Variants in DGKB observed in about 807,000 individuals in gnomAD.
DGKB encodes the protein diacylglycerol kinase beta, also known as 90 kDa diacylglycerol kinase.
A neutral mutation model predicts 114.3 loss-of-function variants in DGKB; 67 were observed. The observed-to-expected ratio is 0.59, with a 90% confidence interval of 0.48 to 0.72. The LOEUF is 0.72. DGKB is among the 30% of genes least tolerant of loss of function. DGKB has a pLI of 0.00. For missense variants in DGKB, 907 were observed against 975.2 expected (o/e 0.93, Z 0.93); for synonymous variants, 398 against 323.1 (o/e 1.23, Z -2.49).
At chr7:14,252,519 C>T (rs73069647) in intron 23 of DGKB, among the ~76,000 whole-genome samples, 6,629 of 152,222 alleles carry the variant, frequency 0.044, 208 homozygotes, top group East Asian at 0.13. Flanking sequence ...GGTTCAGGGG[C>T]AGGCTGGATG....
chr7:14,698,742 C>CAATTATCAA (rs1302480311), intron 7 of DGKB, among the ~76,000 whole-genome samples: 1 of 152,054 alleles, frequency 6.6e-6, no homozygotes, highest in Non-Finnish European at 1.5e-5. Flanking sequence ...TTATTCTGCT[C>CAATTATCAA]AATTATCAAC....
chr7:14,286,286 A>G (rs1800860815), intron 23 of DGKB, among the ~76,000 whole-genome samples: 1 of 152,174 alleles, frequency 6.6e-6, no homozygotes, highest in Non-Finnish European at 1.5e-5. Context: ...CTGAGAGGGC[A>G]TAATACTTTG....
chr7:14,607,913 CTA>C (rs1218311166), intron 16 of DGKB, among the ~76,000 whole-genome samples: 2 of 151,898 alleles, frequency 1.3e-5, no homozygotes, highest in African/African-American at 4.8e-5. Flanking sequence ...AATTTGTCCT[CTA>C]TAGATCTCTG....
At chr7:14,421,183 C>G (rs1352588685) in intron 21 of DGKB, among the ~76,000 whole-genome samples, 1 of 152,076 alleles carries the variant, frequency 6.6e-6, no homozygotes, top group Non-Finnish European at 1.5e-5. Flanking sequence ...GAGCTGCTTG[C>G]TTGAGCCCGC....
At chr7:14,453,467 A>G (rs1286604927) in intron 21 of DGKB, among the ~76,000 whole-genome samples, 1 of 152,172 alleles carries the variant, frequency 6.6e-6, no homozygotes, top group Non-Finnish European at 1.5e-5. Flanking sequence ...CACTTTGCAG[A>G]GAATCTCAGT....
At chr7:14,414,873 T>A (rs1444073659) in intron 21 of DGKB, among the ~76,000 whole-genome samples, 1 of 152,106 alleles carries the variant, frequency 6.6e-6, no homozygotes, top group Non-Finnish European at 1.5e-5. Context: ...CCTGTGTAAC[T>A]TATCCATTAA....
chr7:14,335,864 C>G (rs1456938171), intron 23 of DGKB, among the ~76,000 whole-genome samples: 2 of 151,912 alleles, frequency 1.3e-5, no homozygotes, highest in African/African-American at 2.4e-5. Context: ...AGGGATTGTC[C>G]CTCCTCAGCC....
chr7:14,522,292 G>A (rs1401307629), intron 20 of DGKB, among the ~76,000 whole-genome samples: 1 of 152,108 alleles, frequency 6.6e-6, no homozygotes, highest in African/African-American at 2.4e-5. Flanking sequence ...GGAGGTGTGG[G>A]TAGCTTGGGC....
At chr7:14,338,198 T>G (rs926644998) in intron 23 of DGKB, among the ~76,000 whole-genome samples, 1 of 152,108 alleles carries the variant, frequency 6.6e-6, no homozygotes, top group Non-Finnish European at 1.5e-5. Context: ...AAATGTCCTA[T>G]TTAAGACAAT....
At chr7:14,278,642 G>C (rs1181323709) in intron 23 of DGKB, among the ~76,000 whole-genome samples, 1 of 152,140 alleles carries the variant, frequency 6.6e-6, no homozygotes, top group Admixed American at 6.5e-5. Context: ...AAATGGGATT[G>C]CATCAAACTA....
intron 23 of DGKB, among the ~76,000 whole-genome samples, chr7:14,324,073 G>A (rs894627385): frequency 6.6e-6 from 1 of 152,120 alleles, no homozygotes; most frequent in African/African-American, 2.4e-5. Context: ...TAAGTTGAGG[G>A]AAAAATATGT....
intron 21 of DGKB, among the ~76,000 whole-genome samples, chr7:14,416,651 C>A (rs1332521993): frequency 6.6e-6 from 1 of 152,046 alleles, no homozygotes; most frequent in African/African-American, 2.4e-5. Context: ...GGGGAAACAC[C>A]TTTCACTTGG....
intron 1 of DGKB, among the ~76,000 whole-genome samples, chr7:14,964,341 C>CA (rs1453133390): frequency 6.6e-6 from 1 of 151,876 alleles, no homozygotes; most frequent in African/African-American, 2.4e-5. Context: ...CTCATCTCTA[C>CA]AAAAAATATA....
chr7:14,605,196 A>G (rs920957664), intron 17 of DGKB, among the ~76,000 whole-genome samples: 2 of 152,182 alleles, frequency 1.3e-5, no homozygotes, highest in African/African-American at 4.8e-5. Context: ...ATTATGGAAT[A>G]TCATGCAGCA....
chr7:14,213,526 C>CCCTCTGGA (rs1443297829), intron 23 of DGKB, among the ~76,000 whole-genome samples: 1 of 152,112 alleles, frequency 6.6e-6, no homozygotes, highest in Admixed American at 6.6e-5. Context: ...CAACATGTCT[C>CCCTCTGGA]CCTCTGGAGC....
chr7:14,246,658 CT>C (rs1215140817), intron 23 of DGKB, among the ~76,000 whole-genome samples: 1 of 152,048 alleles, frequency 6.6e-6, no homozygotes, highest in African/African-American at 2.4e-5. Context: ...GATTAGTCCC[CT>C]GATTTATTTA....
intron 23 of DGKB, among the ~76,000 whole-genome samples, chr7:14,322,827 T>C (rs1256194256): frequency 6.6e-6 from 1 of 152,186 alleles, no homozygotes; most frequent in Admixed American, 6.5e-5. Context: ...CATAAAATGA[T>C]GTTTCACATC....
chr7:14,809,588 A>G (rs1243787390), intron 2 of DGKB, among the ~76,000 whole-genome samples: 2 of 152,188 alleles, frequency 1.3e-5, no homozygotes, highest in African/African-American at 2.4e-5. Flanking sequence ...TTTTATGAGT[A>G]AAGAACGCAT....
chr7:14,395,700 TGTTAA>T (rs1441414358), intron 21 of DGKB, among the ~76,000 whole-genome samples: 1 of 151,874 alleles, frequency 6.6e-6, no homozygotes, highest in Non-Finnish European at 1.5e-5. Context: ...ATATTAAATC[TGTTAA>T]AGCCATTTTT....
Sources: allele counts gnomAD v4.1 joint callset (sites outside exome capture counted in the v4.1 genomes callset), GRCh38; gene constraint gnomAD v4.1.1; transcripts MANE v1.5; gene names NCBI Gene and HGNC (gene_info 2026-07-23, HGNC 2026-07-21).